Variants in ZCWPW2 observed in about 807,000 individuals in gnomAD.
The protein encoded by ZCWPW2 is zinc finger CW-type and PWWP domain containing 2, also known as zinc finger CW-type PWWP domain protein 2.
Under a neutral mutation model 46.6 loss-of-function variants are expected in ZCWPW2, and 45 were observed. The observed-to-expected ratio is 0.96, with a 90% CI of 0.76 to 1.24. The LOEUF (loss-of-function observed/expected upper bound fraction) is 1.24, where lower values mean the gene tolerates loss of function less well. ZCWPW2 is among the 50% of genes most tolerant of loss of function. The pLI, the probability that ZCWPW2 is intolerant of heterozygous loss-of-function variation, is 0.00. For synonymous variants in ZCWPW2, 152 were observed against 137.1 expected (o/e 1.11, Z -0.76); for missense variants, 429 against 403.9 (o/e 1.06, Z -0.53).
At chr3:28,442,627 G>A (rs950099553) in intron 4 of ZCWPW2, among the ~76,000 whole-genome samples, 2 of 152,238 alleles carry the variant, frequency 1.3e-5, no homozygotes, top group Non-Finnish European at 2.9e-5. Flanking sequence ...CAGGAATGGA[G>A]AAAAAGGTAT....
intron 2 of ZCWPW2, among the ~76,000 whole-genome samples, chr3:28,404,949 G>A (rs184754901): frequency 1.6e-3 from 243 of 152,126 alleles, no homozygotes; most frequent in African/African-American, 5.7e-3. Flanking sequence ...TGGATGGTGG[G>A]TACACCAAAA....
chr3:28,444,635 C>T (rs978224043), intron 4 of ZCWPW2, among the ~76,000 whole-genome samples: 6 of 152,092 alleles, frequency 3.9e-5, no homozygotes, highest in Non-Finnish European at 7.4e-5. Context: ...GTCAGTCACT[C>T]GCATGATAAG....
At chr3:28,440,650 G>T (rs1440448833) in intron 4 of ZCWPW2, among the ~76,000 whole-genome samples, 2 of 152,322 alleles carry the variant, frequency 1.3e-5, no homozygotes, top group East Asian at 3.9e-4. Flanking sequence ...TGGGGAACAT[G>T]GTATGACCAG....
At chr3:28,515,771 A>C in intron 8 of ZCWPW2, 150 bp downstream of exon 8, 2 of 573,536 alleles carry the variant, frequency 3.5e-6, no homozygotes, top group Non-Finnish European at 3.0e-6. Context: ...ATGTGCGTAC[A>C]TATGTATACA....
rs1699331126 is a variant in ZCWPW2 at position 28,478,942 on chromosome 3, A to AT, written c.610+17dup. 6.6e-7 allele frequency: 1 copy of AT among 1,505,782 alleles called. No individual in the cohort carries two copies. The highest frequency in any genetic ancestry group is 1.4e-5 in the African/African-American group (1 of 70,554). The allele number at this position is 1,505,782 out of a possible 1,614,324, so 93.3% of individuals were successfully genotyped here. A position where few individuals can be genotyped will look rare whatever the true frequency, so the allele number is the denominator to read the frequency against. ...TATCAAAACTACAAGGTGTATAAAT[A>AT]TTTTTTCTTTATTACTCTGAAATAA... On this transcript the variant is annotated intron_variant, in intron 5 of 9. Coordinates refer to ENST00000383768, the MANE Select transcript of ZCWPW2 (RefSeq NM_001040432.4).
At chr3:28,393,962 A>G (rs1695596940) in intron 2 of ZCWPW2, among the ~76,000 whole-genome samples, 1 of 152,170 alleles carries the variant, frequency 6.6e-6, no homozygotes, top group African/African-American at 2.4e-5. Flanking sequence ...AGTAAAAGAT[A>G]TCCAAATAAA....
rs140798221 is a variant in ZCWPW2 at position 28,486,505 on chromosome 3, T to C, written c.611-5622T>C. On this transcript the variant is annotated intron_variant, in intron 5 of 9. Coordinates refer to ENST00000383768, the MANE Select transcript of ZCWPW2 (RefSeq NM_001040432.4). Reference sequence around the variant, plus strand: ...ACTTCTTTTAGTGTTTCTTGGAAGGTAGTTCTATTGGCAACAAATGCCTCC... The same window carrying C: ...ACTTCTTTTAGTGTTTCTTGGAAGGCAGTTCTATTGGCAACAAATGCCTCC... 4.4e-3 allele frequency among the ~76,000 whole-genome samples: 676 copies of C among 152,156 alleles called. 5 individuals are homozygous for C. The highest frequency in any genetic ancestry group is 0.015 in the African/African-American group (622 of 41,536).
intron 1 of ZCWPW2, among the ~76,000 whole-genome samples, chr3:28,367,842 A>C (rs1355305747): frequency 2.6e-5 from 4 of 152,132 alleles, no homozygotes; most frequent in Non-Finnish European, 5.9e-5. Flanking sequence ...TATTGGCTGC[A>C]TATATATTTA....
Position 28,520,977 on chromosome 3 carries a change from A to G in ZCWPW2, c.785-15A>G. ...GAGATGTAGCATTTTTACTGTATTAATCCTGTTTTTTTAGTTGTCTGTGAG... is the reference window on the plus strand; with the variant it reads ...GAGATGTAGCATTTTTACTGTATTAGTCCTGTTTTTTTAGTTGTCTGTGAG... On this transcript the variant is annotated splice_polypyrimidine_tract_variant and intron_variant, in intron 8 of 9. Coordinates refer to ENST00000383768, the MANE Select transcript of ZCWPW2 (RefSeq NM_001040432.4). 6.2e-7 allele frequency: 1 copy of G among 1,613,000 alleles called. No homozygotes were observed. Among genetic ancestry groups the G allele is most frequent in the Non-Finnish European group, 8.5e-7 (1 of 1,179,486 alleles).
At chr3:28,373,693 C>G (rs1382360777) in intron 1 of ZCWPW2, among the ~76,000 whole-genome samples, 1 of 152,104 alleles carries the variant, frequency 6.6e-6, no homozygotes, top group African/African-American at 2.4e-5. Context: ...CCAGGCTGGT[C>G]TTGAACTCCT....
rs189525264 is a variant in ZCWPW2, at chr3:28,441,102, T to A, written c.492+5833T>A. Among the ~76,000 whole-genome samples, 177 of 152,292 alleles carry A rather than the reference T, an allele frequency of 1.2e-3. 2 individuals are homozygous for A. The highest frequency in any genetic ancestry group is 3.9e-3 in the African/African-American group (164 of 41,568). ...CTTTGTTCATGGGTCTATTGGGTGA[T>A]GACAAAGATGACTGGGGAAAGAGGC... is the stretch of plus-strand genomic sequence containing the variant. On this transcript the variant is annotated intron_variant, in intron 4 of 9. Coordinates refer to ENST00000383768, the MANE Select transcript of ZCWPW2 (RefSeq NM_001040432.4).
rs1321786399 is a variant in ZCWPW2 at position 28,502,774 on chromosome 3, T to C, written c.657+10601T>C. Among the ~76,000 whole-genome samples the C allele has an allele frequency of 3.3e-5, 5 of 152,200 alleles. 1 individual carries two copies. Among genetic ancestry groups the C allele is most frequent in the Admixed American group, 2.0e-4 (3 of 15,272 alleles). ...GTTGTAAGGGGCTGTTCTAAGAAAG[T>C]AGAAGTGGAGAGGGGTATAGTGATG... On this transcript the variant is annotated intron_variant, in intron 6 of 9. Transcript: ENST00000383768.
chr3:28,469,898 C>G (rs1451482452), intron 4 of ZCWPW2, among the ~76,000 whole-genome samples: 1 of 152,094 alleles, frequency 6.6e-6, no homozygotes, highest in African/African-American at 2.4e-5. Context: ...AAGGAAACAT[C>G]AGACTTAGTC....
chr3:28,365,221 C>T (rs1705082760), intron 1 of ZCWPW2, among the ~76,000 whole-genome samples: 1 of 146,448 alleles, frequency 6.8e-6, no homozygotes. Context: ...AAGTCCTTGC[C>T]CATGCTTATG....
intron 4 of ZCWPW2, among the ~76,000 whole-genome samples, chr3:28,474,620 T>TGTGTGTGC (rs777191108): frequency 0.013 from 1,614 of 121,574 alleles, 27 homozygotes; most frequent in African/African-American, 0.038. Flanking sequence ...TGTGTGTGTG[T>TGTGTGTGC]GCGCGCGCGC....
chr3:28,379,607 C>T (rs1705608070), intron 1 of ZCWPW2, among the ~76,000 whole-genome samples: 1 of 152,016 alleles, frequency 6.6e-6, no homozygotes, highest in Non-Finnish European at 1.5e-5. Flanking sequence ...TGTTCTATTT[C>T]CAAAACATTT....
At chr3:28,387,742 A>G (rs1695328084) in intron 1 of ZCWPW2, among the ~76,000 whole-genome samples, 1 of 152,340 alleles carries the variant, frequency 6.6e-6, no homozygotes, top group South Asian at 2.1e-4. Context: ...GCCCACTATA[A>G]CAATGATTAA....
intron 3 of ZCWPW2, among the ~76,000 whole-genome samples, chr3:28,426,070 T>C (rs773732387): frequency 1.3e-5 from 2 of 151,954 alleles, no homozygotes; most frequent in East Asian, 3.9e-4. Flanking sequence ...GATAGCCCTA[T>C]TGCACTCCTG....
At chr3:28,524,274 C>T (rs1261569975) in intron 9 of ZCWPW2, among the ~76,000 whole-genome samples, 1 of 151,936 alleles carries the variant, frequency 6.6e-6, no homozygotes. Context: ...AGAATTATCA[C>T]ATTTTTCCAG....
Sources: allele counts gnomAD v4.1 joint callset (sites outside exome capture counted in the v4.1 genomes callset), GRCh38; gene constraint gnomAD v4.1.1; transcripts MANE v1.5; gene names NCBI Gene and HGNC (gene_info 2026-07-23, HGNC 2026-07-21).